Variants in ARK2C observed in about 807,000 individuals in gnomAD.
ARK2C encodes E3 ubiquitin-protein ligase ARK2C.
chr18:46,423,723 C>T, the ARK2C span, among the ~76,000 whole-genome samples: 4 of 152,216 alleles, frequency 2.6e-5, no homozygotes, highest in African/African-American at 7.2e-5. Flanking sequence ...AGACATGCCA[C>T]CCCAGATTTC....
At chr18:46,342,370 G>T in the ARK2C span, among the ~76,000 whole-genome samples, 1 of 152,238 alleles carries the variant, frequency 6.6e-6, no homozygotes, top group Non-Finnish European at 1.5e-5. Flanking sequence ...GATTCTGAAT[G>T]CTAGGCTCTT....
At chr18:46,450,863 C>T in the ARK2C span, 1 of 1,232,962 alleles carries the variant, frequency 8.1e-7, no homozygotes, top group Non-Finnish European at 1.2e-6. Context: ...GTCTAATTGA[C>T]TCTGGCCTGG....
the ARK2C span, among the ~76,000 whole-genome samples, chr18:46,358,772 G>T: frequency 6.6e-6 from 1 of 152,142 alleles, no homozygotes; most frequent in African/African-American, 2.4e-5. Flanking sequence ...CTTCTCACAT[G>T]CTCAGGGAGA....
the ARK2C span, among the ~76,000 whole-genome samples, chr18:46,361,531 G>T: frequency 0.022 from 3,364 of 152,298 alleles, 91 homozygotes; most frequent in African/African-American, 0.061. Context: ...CGGCCACACG[G>T]TTCCCCTCCA....
At chr18:46,457,308 G>T in the ARK2C span, 1 of 152,582 alleles carries the variant, frequency 6.6e-6, no homozygotes, top group Non-Finnish European at 1.5e-5. Flanking sequence ...CAATTTGGGA[G>T]GCGGGAGGGG....
At chr18:46,441,406 A>G in the ARK2C span, among the ~76,000 whole-genome samples, 64 of 152,332 alleles carry the variant, frequency 4.2e-4, 1 homozygote, top group Non-Finnish European at 8.2e-4. Context: ...TTGTCTTTCA[A>G]TAAATTTTCT....
the ARK2C span, among the ~76,000 whole-genome samples, chr18:46,434,730 G>T: frequency 6.6e-6 from 1 of 152,216 alleles, no homozygotes; most frequent in Non-Finnish European, 1.5e-5. Flanking sequence ...TGACCATAGG[G>T]CTTGGGATGC....
the ARK2C span, among the ~76,000 whole-genome samples, chr18:46,404,426 A>G: frequency 6.6e-6 from 1 of 152,166 alleles, no homozygotes; most frequent in African/African-American, 2.4e-5. Flanking sequence ...AATGCACTCC[A>G]TCTTCATTGT....
At chr18:46,342,928 A>G in the ARK2C span, among the ~76,000 whole-genome samples, 5 of 152,294 alleles carry the variant, frequency 3.3e-5, no homozygotes, top group East Asian at 1.9e-4. Flanking sequence ...AACACAATAT[A>G]TGTATACTTT....
the ARK2C span, among the ~76,000 whole-genome samples, chr18:46,354,149 C>A: frequency 7.9e-5 from 12 of 152,228 alleles, no homozygotes; most frequent in African/African-American, 2.9e-4. Flanking sequence ...TCTTCCCACA[C>A]TGCAGTCCCT....
the ARK2C span, among the ~76,000 whole-genome samples, chr18:46,430,875 T>C: frequency 6.6e-6 from 1 of 152,220 alleles, no homozygotes; most frequent in South Asian, 2.1e-4. Context: ...AGCCCTTGCA[T>C]TAACTCTGTT....
At chr18:46,461,794 T>C in the ARK2C span, 1 of 152,206 alleles carries the variant, frequency 6.6e-6, no homozygotes, top group Non-Finnish European at 1.5e-5. Context: ...TGTCCTATAA[T>C]ATGTGGCATC....
chr18:46,405,602 T>C, the ARK2C span, among the ~76,000 whole-genome samples: 2 of 152,076 alleles, frequency 1.3e-5, no homozygotes, highest in African/African-American at 4.8e-5. Context: ...AGAAGGTTCC[T>C]GGGATGCTGA....
chr18:46,406,748 T>A, the ARK2C span, among the ~76,000 whole-genome samples: 3 of 152,226 alleles, frequency 2.0e-5, no homozygotes, highest in Admixed American at 1.3e-4. Context: ...CAGCCAGGTG[T>A]TGGGCTATGG....
At chr18:46,383,711 C>T in the ARK2C span, among the ~76,000 whole-genome samples, 11 of 152,100 alleles carry the variant, frequency 7.2e-5, no homozygotes, top group Non-Finnish European at 1.0e-4. Context: ...GCCACCACCG[C>T]GCCCGGCTAA....
At chr18:46,460,321 T>C in the ARK2C span, 2 of 152,146 alleles carry the variant, frequency 1.3e-5, no homozygotes, top group African/African-American at 2.4e-5. Flanking sequence ...TTTCATCTCC[T>C]GCGCGCGTAG....
At chr18:46,362,430 G>A in the ARK2C span, among the ~76,000 whole-genome samples, 15 of 152,180 alleles carry the variant, frequency 9.9e-5, no homozygotes, top group Non-Finnish European at 2.2e-4. Flanking sequence ...TGTGTTGAGG[G>A]GAGGAGTGTG....
the ARK2C span, chr18:46,462,054 T>C: frequency 6.6e-6 from 1 of 152,340 alleles, no homozygotes; most frequent in Non-Finnish European, 1.5e-5. Context: ...TCAAGGTCTC[T>C]GCTCCTGGCA....
chr18:46,455,356 A>C, the ARK2C span, among the ~76,000 whole-genome samples: 1 of 152,148 alleles, frequency 6.6e-6, no homozygotes, highest in African/African-American at 2.4e-5. Context: ...GATGGTGTGA[A>C]GGGACCAGAA....
Sources: gnomAD v4.1 joint callset for allele counts (sites outside exome capture counted in the v4.1 genomes callset) on GRCh38, gnomAD v4.1.1 for gene constraint, MANE v1.5 for transcripts, NCBI Gene and HGNC (gene_info 2026-07-23, HGNC 2026-07-21) for gene names.